SOAT2: variants seen among roughly 807,000 people sequenced by gnomAD.
SOAT2 encodes sterol O-acyltransferase 2, also known as ACAT-2.
In SOAT2, 87 loss-of-function variants were observed where a neutral mutation model predicts 76.0. The ratio of observed to expected loss-of-function variants is 1.14; its 90% CI spans 0.96 to 1.37. SOAT2 has a LOEUF of 1.37. SOAT2 is among the 40% of genes most tolerant of loss of function. The pLI, the probability that SOAT2 is intolerant of heterozygous loss-of-function variation, is 0.00. For synonymous variants in SOAT2, 285 were observed against 275.4 expected, an observed-to-expected ratio of 1.03 and a Z score of -0.34; for missense variants, 686 against 682.1, an observed-to-expected ratio of 1.01 and a Z score of -0.06.
At chr12:53,122,376 T>A (rs2121306329) in intron 12 of SOAT2, among the ~76,000 whole-genome samples, 1 of 149,464 alleles carries the variant, frequency 6.7e-6, no homozygotes, top group Non-Finnish European at 1.5e-5. Context: ...CTTGGGTGTT[T>A]CTCGCAGAGG....
Position 53,123,915 on chromosome 12 carries a change from A to G in SOAT2, c.1518+42A>G, listed in dbSNP as rs772135519. ...CTCATCCAGCTCCCCATCCATGAGGACACACAGACCAACAGCCAGTCCCTC... is the reference window on the plus strand; with the variant it reads ...CTCATCCAGCTCCCCATCCATGAGGGCACACAGACCAACAGCCAGTCCCTC... On this transcript the variant is annotated intron_variant, in intron 14 of 14. Transcript: ENST00000301466. The G allele has an allele frequency of 3.1e-6, 5 of 1,612,810 alleles. No individual in the cohort carries two copies. The Admixed American group carries it at 8.3e-5, about 27-fold the overall frequency.
At chr12:53,115,981 G>C (rs890927111) in intron 6 of SOAT2, 116 bp from the exon 7 acceptor site, 16 of 912,514 alleles carry the variant, frequency 1.8e-5, no homozygotes, top group African/African-American at 1.6e-4. Context: ...TATGGGCTCT[G>C]ACCAGACAGA....
intron 5 of SOAT2, among the ~76,000 whole-genome samples, chr12:53,111,998 T>C (rs1565626844): frequency 6.6e-6 from 1 of 152,244 alleles, no homozygotes; most frequent in Non-Finnish European, 1.5e-5. Flanking sequence ...GACCTCCTTT[T>C]TCCTCTCTTT....
intron 5 of SOAT2, among the ~76,000 whole-genome samples, chr12:53,106,941 G>C (rs1937944892): frequency 6.6e-6 from 1 of 152,026 alleles, no homozygotes; most frequent in Non-Finnish European, 1.5e-5. Context: ...AGTTTCTTCA[G>C]ACCCCCAGCA....
chr12:53,109,358 C>G (rs1937980385), intron 5 of SOAT2, among the ~76,000 whole-genome samples: 1 of 152,018 alleles, frequency 6.6e-6, no homozygotes, highest in Admixed American at 6.6e-5. Flanking sequence ...CAAATATAGC[C>G]CAAAGAAAGT....
chr12:53,111,940 G>T (rs552798823), intron 5 of SOAT2, among the ~76,000 whole-genome samples: 2 of 152,030 alleles, frequency 1.3e-5, no homozygotes, highest in African/African-American at 2.4e-5. Context: ...ACATAAATAC[G>T]CAGACGTATT....
At position 53,124,006 on chromosome 12, in the gene SOAT2, C is replaced by G. The variant is rs541356072; in HGVS notation, c.1519-67C>G. On this transcript the variant is annotated intron_variant, in intron 14 of 14. Transcript: ENST00000301466. ...CTGGCTTGGGGGTGATGGACTCTCACGTCTTGGATGCATGGGTTGAGTCAC... is the reference window on the plus strand; with the variant it reads ...CTGGCTTGGGGGTGATGGACTCTCAGGTCTTGGATGCATGGGTTGAGTCAC... 3.0e-4 allele frequency: 489 copies of G among 1,605,420 alleles called. 8 individuals carry two copies. The South Asian group carries it at 5.0e-3, about 16-fold the overall frequency.
At chr12:53,122,134 C>A (rs1340871702) in intron 12 of SOAT2, among the ~76,000 whole-genome samples, 1 of 151,266 alleles carries the variant, frequency 6.6e-6, no homozygotes, top group African/African-American at 2.4e-5. Context: ...ATTGATGTCA[C>A]CCCTTCTGAC....
intron 11 of SOAT2, 137 bp downstream of exon 11, chr12:53,121,020 A>G: frequency 1.4e-6 from 1 of 726,828 alleles, no homozygotes; most frequent in Non-Finnish European, 2.4e-6. Context: ...AGTCCTCTGG[A>G]TGTGCTTATA....
At chr12:53,116,915 A>G (rs1938114011) in intron 7 of SOAT2, among the ~76,000 whole-genome samples, 1 of 151,830 alleles carries the variant, frequency 6.6e-6, no homozygotes. Flanking sequence ...ACTCACTTGA[A>G]CACTTAAAGA....
At chr12:53,107,628 T>G (rs1937955229) in intron 5 of SOAT2, among the ~76,000 whole-genome samples, 1 of 147,030 alleles carries the variant, frequency 6.8e-6, no homozygotes, top group African/African-American at 2.6e-5. Flanking sequence ...TGTACTTTTT[T>G]TTTTTTTTTT....
rs535941242 is a variant in SOAT2 at position 53,105,222 on chromosome 12, C to A, written c.254C>A (p.Pro85His). Residue 85 changes from proline to histidine, a missense_variant, in exon 3 of 15, where the codon CCT becomes CAT. Transcript: ENST00000301466. Reference protein sequence around the residue: ...YPSQDKPLPPPPPGSLSRTQE... With the variant: ...YPSQDKPLPPHPPGSLSRTQE... ...TCACAAGACAAACCTCTGCCCCCAC[C>A]TCCCCCAGGTTCCTTGAGCAGGTGA... 1 of 1,603,854 alleles carries A rather than the reference C, an allele frequency of 6.2e-7. No individual in the cohort carries two copies. Among genetic ancestry groups the A allele is most frequent in the African/African-American group, 1.3e-5 (1 of 74,758 alleles).
chr12:53,108,693 T>C (rs1227124398), intron 5 of SOAT2, among the ~76,000 whole-genome samples: 1 of 152,262 alleles, frequency 6.6e-6, no homozygotes, highest in Non-Finnish European at 1.5e-5. Context: ...TCCTGCTTCA[T>C]ATTAATGAAT....
chr12:53,109,517 C>T (rs1208839201), intron 5 of SOAT2, among the ~76,000 whole-genome samples: 9 of 151,876 alleles, frequency 5.9e-5, no homozygotes, highest in East Asian at 3.9e-4. Flanking sequence ...AGTCTCACTC[C>T]GTCACCCAGG....
intron 2 of SOAT2, among the ~76,000 whole-genome samples, chr12:53,104,883 G>A (rs990529975): frequency 7.3e-5 from 11 of 150,356 alleles, no homozygotes; most frequent in Non-Finnish European, 8.9e-5. Flanking sequence ...TTAGCACTGC[G>A]GGGTCCTACC....
At chr12:53,116,527 T>TA (rs1379404572) in intron 7 of SOAT2, among the ~76,000 whole-genome samples, 5 of 152,120 alleles carry the variant, frequency 3.3e-5, no homozygotes, top group Non-Finnish European at 5.9e-5. Context: ...GGCTCCAACT[T>TA]AAAGTCACCA....
intron 4 of SOAT2, 46 bp from the exon 5 acceptor site, chr12:53,105,861 C>T (rs1167979733): frequency 8.8e-7 from 1 of 1,137,060 alleles, no homozygotes; most frequent in Non-Finnish European, 1.2e-6. Context: ...GTTCACACAA[C>T]CCTGAGGACC....
chr12:53,112,336 T>C (rs28765985), intron 5 of SOAT2, among the ~76,000 whole-genome samples: 28,323 of 151,758 alleles, frequency 0.19, 3,341 homozygotes, highest in African/African-American at 0.35. Flanking sequence ...CACCTGAGGT[T>C]GGGAGTTTGA....
rs1450323462 is a variant in SOAT2, at chr12:53,115,617, T to C, written c.671T>C (p.Leu224Pro). 2.6e-6 allele frequency: 4 copies of C among 1,560,366 alleles called. No individual in the cohort carries two copies. Among genetic ancestry groups the C allele is most frequent in the Non-Finnish European group, 3.4e-6 (4 of 1,159,966 alleles). Residue 224 changes from leucine to proline, a missense_variant, in exon 6 of 15, where the codon CTC becomes CCC. By Grantham distance (98) the Leu-to-Pro change is moderately conservative (BLOSUM62 -3). Transcript: ENST00000301466. ...GTCCACGTGGCCGTGGAGCATCAGC[T>C]CCCGCCGGCCTCCCGTTGTGTCCTG... is the stretch of plus-strand genomic sequence containing the variant. ...LPVHVAVEHQ[L>P]PPASRCVLVF... is the part of the protein sequence containing the mutation.
Sources: allele counts gnomAD v4.1 joint callset (sites outside exome capture counted in the v4.1 genomes callset), GRCh38; gene constraint gnomAD v4.1.1; transcripts MANE v1.5; gene names NCBI Gene and HGNC (gene_info 2026-07-23, HGNC 2026-07-21).